The following RMDN1 variants were observed in gnomAD, a reference collection of about 807,000 sequenced individuals.
RMDN1 encodes regulator of microtubule dynamics protein 1.
In RMDN1, 48 loss-of-function variants were observed where a neutral mutation model predicts 48.9. The observed-to-expected ratio is 0.98, with a 90% CI of 0.78 to 1.25. RMDN1 has a LOEUF of 1.25. RMDN1 is among the 50% of genes most tolerant of loss of function. The pLI, the probability that RMDN1 is intolerant of heterozygous loss-of-function variation, is 0.00. For synonymous variants in RMDN1, 148 were observed against 132.6 expected (o/e 1.12, Z -0.80); for missense variants, 418 against 373.4 (o/e 1.12, Z -0.98).
downstream of RMDN1, chr8:86,472,277 TTC>T: frequency 1.6e-6 from 1 of 607,918 alleles, no homozygotes; most frequent in Non-Finnish European, 2.9e-6. Flanking sequence ...ATTCAAAACT[TTC>T]TGAGCACCAA....
chr8:86,488,490 A>C, intron 3 of RMDN1, 62 bp downstream of exon 3: 2 of 971,034 alleles, frequency 2.1e-6, no homozygotes, highest in Non-Finnish European at 3.1e-6. Flanking sequence ...GGGTCATTTT[A>C]ATTGTTAAAT....
chr8:86,504,512 G>T, intron 2 of RMDN1: 1 of 1,482,740 alleles, frequency 6.7e-7, no homozygotes. Context: ...GCCACCATTG[G>T]TGCACGTGTG....
chr8:86,513,099 G>A (rs539394218), upstream of RMDN1, among the ~76,000 whole-genome samples: 47 of 151,706 alleles, frequency 3.1e-4, 1 homozygote, highest in Non-Finnish European at 6.6e-4. Context: ...AAGAGGCCAG[G>A]CACGGTGGCT....
Position 86,474,074 on chromosome 8 carries a change from G to A in RMDN1, c.*234C>T. 1.6e-6 allele frequency: 2 copies of A among 1,243,566 alleles called. No homozygotes were observed. The highest frequency in any genetic ancestry group is 2.0e-6 in the Non-Finnish European group (2 of 991,156). 77.0% of individuals were successfully genotyped at this position (1,243,566 alleles called of 1,614,324 possible). A position where few individuals can be genotyped will look rare whatever the true frequency, so the allele number is the denominator to read the frequency against. On this transcript the variant is annotated 3_prime_UTR_variant, in exon 10 of 10. Transcript: ENST00000406452. ...ACCATTTTGCATTGCTGGTATCCAG[G>A]ATGCAAAATAATCTCTTTGCCTGAG...
intron 8 of RMDN1, 88 bp downstream of exon 8, chr8:86,477,206 C>A: frequency 1.1e-6 from 1 of 931,126 alleles, no homozygotes; most frequent in South Asian, 2.0e-5. Flanking sequence ...ACAGAATAAA[C>A]AACTGCTTTA....
chr8:86,489,827 C>T (rs554624885), intron 2 of RMDN1, among the ~76,000 whole-genome samples: 5 of 127,504 alleles, frequency 3.9e-5, no homozygotes, highest in Non-Finnish European at 7.9e-5. Context: ...AAGACTCTGT[C>T]TCAAAAAAAA....
intron 5 of RMDN1, among the ~76,000 whole-genome samples, chr8:86,484,344 C>T (rs528773241): frequency 6.6e-6 from 1 of 152,164 alleles, no homozygotes; most frequent in African/African-American, 2.4e-5. Context: ...CAGGTGAATG[C>T]AGCTGTCTAA....
chr8:86,484,779 T>G, intron 5 of RMDN1, 93 bp downstream of exon 5: 1 of 594,730 alleles, frequency 1.7e-6, no homozygotes. Context: ...TTATCATAGG[T>G]GGTTTGATAT....
At position 86,488,122 on chromosome 8, in the gene RMDN1, T is replaced by A. The variant is rs150397458; in HGVS notation, c.335+430A>T. ...GGTATTTTTGGTTTCTCTGAAAGAC[T>A]ATCCTTCTAAAGTAATACACAGTTA... On this transcript the variant is annotated intron_variant, in intron 3 of 9. Coordinates refer to ENST00000406452, the MANE Select transcript of RMDN1 (RefSeq NM_016033.3). 1.8e-3 allele frequency among the ~76,000 whole-genome samples: 279 copies of A among 152,326 alleles called. 1 individual carries two copies. Among genetic ancestry groups the A allele is most frequent in the Non-Finnish European group, 3.4e-3 (233 of 68,020 alleles).
At position 86,505,250 on chromosome 8, in the gene RMDN1, T is replaced by C. The variant is rs1413265045; in HGVS notation, c.247+1745A>G. On this transcript the variant is annotated intron_variant, in intron 2 of 9. Transcript: ENST00000406452. ...GGATTTTCAATGGTTTTTTAAATATTTTATTTCCTGGACATTCTCTTCTGC... is the reference window on the plus strand; with the variant it reads ...GGATTTTCAATGGTTTTTTAAATATCTTATTTCCTGGACATTCTCTTCTGC... The C allele has an allele frequency of 1.1e-5, 6 of 528,496 alleles. 1 individual carries two copies. The highest frequency in any genetic ancestry group is 2.0e-5 in the African/African-American group (1 of 50,510). 32.7% of individuals were successfully genotyped at this position (528,496 alleles called of 1,614,324 possible). A position where few individuals can be genotyped will look rare whatever the true frequency, so the allele number is the denominator to read the frequency against.
chr8:86,503,380 A>AAAAAAAAC (rs1818675832), intron 2 of RMDN1, among the ~76,000 whole-genome samples: 1 of 59,020 alleles, frequency 1.7e-5, no homozygotes, highest in African/African-American at 1.3e-4. Flanking sequence ...ACAAAAAAAA[A>AAAAAAAAC]AAAAAAAAAC....
chr8:86,470,239 G>GAA (rs1192630944), downstream of RMDN1: 4 of 1,289,362 alleles, frequency 3.1e-6, no homozygotes, highest in Non-Finnish European at 4.0e-6. Flanking sequence ...TGTACGTGGG[G>GAA]AAATAAGCAT....
intron 5 of RMDN1, among the ~76,000 whole-genome samples, chr8:86,480,992 G>T (rs1814306626): frequency 6.6e-6 from 1 of 151,984 alleles, no homozygotes; most frequent in Admixed American, 6.6e-5. Flanking sequence ...ACAGAATAAA[G>T]AAACTGTTCC....
chr8:86,490,168 T>A (rs1026924888), intron 2 of RMDN1, among the ~76,000 whole-genome samples: 1 of 152,172 alleles, frequency 6.6e-6, no homozygotes. Context: ...ACCCAAAGGA[T>A]AAGGAGTAGT....
At chr8:86,503,385 A>AAAAAAAAAAAAAAAAC (rs1554594088) in intron 2 of RMDN1, among the ~76,000 whole-genome samples, 4 of 81,082 alleles carry the variant, frequency 4.9e-5, no homozygotes, top group African/African-American at 1.4e-4. Flanking sequence ...AAAAAAAAAA[A>AAAAAAAAAAAAAAAAC]AAAACAAAAA....
At chr8:86,488,730 T>C (rs1248211305) in intron 2 of RMDN1, 91 bp from the exon 3 acceptor site, 12 of 737,636 alleles carry the variant, frequency 1.6e-5, no homozygotes, top group East Asian at 2.8e-5. Flanking sequence ...CACTTTTATA[T>C]ATAAGCAAAT....
chr8:86,484,495 A>G lies in RMDN1; in HGVS notation c.585+377T>C, dbSNP rs540717777. 2.0e-4 allele frequency among the ~76,000 whole-genome samples: 31 copies of G among 152,268 alleles called. No individual in the cohort carries two copies. The South Asian group carries it at 6.2e-3, about 31-fold the overall frequency. ...CACTTTGAAAGGCCGAGGCAGGTGGATCACCTGATGTCAGGAGTTTGAGAC... is the reference window on the plus strand; with the variant it reads ...CACTTTGAAAGGCCGAGGCAGGTGGGTCACCTGATGTCAGGAGTTTGAGAC... On this transcript the variant is annotated intron_variant, in intron 5 of 9. Transcript: ENST00000406452.
chr8:86,503,911 A>G (rs1217150787), intron 2 of RMDN1: 1 of 715,222 alleles, frequency 1.4e-6, no homozygotes, highest in Non-Finnish European at 2.6e-6. Flanking sequence ...GGGATTGTGT[A>G]AAGCAGCTGA....
At chr8:86,483,539 C>A (rs1814930363) in intron 5 of RMDN1, among the ~76,000 whole-genome samples, 1 of 152,184 alleles carries the variant, frequency 6.6e-6, no homozygotes, top group Non-Finnish European at 1.5e-5. Flanking sequence ...ATCATGTAAT[C>A]TCATTTCAAG....
Sources: allele counts gnomAD v4.1 joint callset (sites outside exome capture counted in the v4.1 genomes callset), GRCh38; gene constraint gnomAD v4.1.1; transcripts MANE v1.5; gene names NCBI Gene and HGNC (gene_info 2026-07-23, HGNC 2026-07-21).